Variants in COL27A1 observed in about 807,000 individuals in gnomAD.
COL27A1 encodes the protein collagen alpha-1(XXVII) chain.
COL27A1 carries 106 observed loss-of-function variants against 251.3 expected under a neutral mutation model. That is an observed-to-expected ratio of 0.42 (90% CI 0.36 to 0.50). The LOEUF (loss-of-function observed/expected upper bound fraction) is 0.50. COL27A1 is among the 20% of genes least tolerant of loss of function. The pLI is 0.00. For synonymous variants in COL27A1, 1,000 were observed against 986.3 expected (o/e 1.01, Z -0.26); for missense variants, 2,325 against 2,522.8 (o/e 0.92, Z 1.68).
intron 17 of COL27A1, among the ~76,000 whole-genome samples, chr9:114,236,551 C>T (rs1309087303): frequency 1.3e-5 from 2 of 152,198 alleles, no homozygotes; most frequent in African/African-American, 2.4e-5. Flanking sequence ...GGCCAGTCAA[C>T]GAGGCCCAGA....
chr9:114,160,684 G>GAAAA (rs34482323), intron 1 of COL27A1, among the ~76,000 whole-genome samples: 1 of 134,448 alleles, frequency 7.4e-6, no homozygotes, highest in African/African-American at 2.7e-5. Context: ...AAAAAAAAAT[G>GAAAA]AAAAAAAAAA....
At chr9:114,265,828 CA>C (rs1250612028) in intron 32 of COL27A1, among the ~76,000 whole-genome samples, 1 of 152,200 alleles carries the variant, frequency 6.6e-6, no homozygotes, top group Non-Finnish European at 1.5e-5. Context: ...CCGGGAACTG[CA>C]GAGTCCAGCA....
At chr9:114,254,820 A>T (rs1833815977) in intron 27 of COL27A1, among the ~76,000 whole-genome samples, 1 of 152,222 alleles carries the variant, frequency 6.6e-6, no homozygotes, top group Non-Finnish European at 1.5e-5. Context: ...AAATGGTAAG[A>T]AAGAGTTCCA....
At chr9:114,258,867 G>T (rs967847036) in intron 28 of COL27A1, among the ~76,000 whole-genome samples, 1 of 152,210 alleles carries the variant, frequency 6.6e-6, no homozygotes, top group Non-Finnish European at 1.5e-5. Context: ...TATTCAACCA[G>T]CACTTATTTA....
chr9:114,157,106 A>ACACACACACG (rs142812937), intron 1 of COL27A1, among the ~76,000 whole-genome samples: 3 of 147,844 alleles, frequency 2.0e-5, no homozygotes, highest in Admixed American at 6.7e-5. Context: ...ACACACACAT[A>ACACACACACG]CGCGCGCGCG....
intron 21 of COL27A1, among the ~76,000 whole-genome samples, chr9:114,241,331 GAT>G (rs1832740656): frequency 6.6e-6 from 1 of 152,268 alleles, no homozygotes; most frequent in African/African-American, 2.4e-5. Flanking sequence ...AGCTGACATG[GAT>G]CCCTTCTCGG....
At position 114,168,087 on chromosome 9, in the gene COL27A1, C is replaced by T. The variant is rs1034322360; in HGVS notation, c.532C>T (p.Arg178Trp). The change falls in exon 3 of 61, where the codon CGG becomes TGG. Residue 178 changes from arginine to tryptophan, a missense_variant. This residue lies in a region of COL27A1 where 1,183 missense variants were observed against 1,144.1 expected (regional missense o/e 1.03). Transcript: ENST00000356083. ...TCTGGTGACTGCCTGCGGGCAGCGC[C>T]GGGTGCCTGTCCTGCTGCCTTTCCA... is the stretch of plus-strand genomic sequence containing the variant. The part of the protein sequence containing the change: ...VTLVTACGQR[R>W]VPVLLPFHRD... 1.7e-5 allele frequency: 27 copies of T among 1,610,954 alleles called. No homozygotes were observed. In the East Asian group the frequency reaches 2.9e-4, roughly 17 times the overall value.
At chr9:114,252,537 C>A in intron 25 of COL27A1, 56 bp from the exon 26 acceptor site, 1 of 1,532,448 alleles carries the variant, frequency 6.5e-7, no homozygotes, top group Non-Finnish European at 9.0e-7. Context: ...CTGCCTCCCA[C>A]AGAGCCACCC....
rs1727518764 is a variant in COL27A1 at position 114,290,311 on chromosome 9, G to A, written c.4348G>A (p.Asp1450Asn). Reference sequence around the variant, plus strand: ...TGGACCAGATGGGCTTCCTGGCAGGGACGGGCAAGCAGGACAGCAGGTGAG... The same window carrying A: ...TGGACCAGATGGGCTTCCTGGCAGGAACGGGCAAGCAGGACAGCAGGTGAG... ...IAGPDGLPGR[D>N]GQAGQQGEQG... is the part of the protein sequence containing the mutation. The change falls in exon 47 of 61, where the codon GAC becomes AAC. Residue 1450 changes from aspartate to asparagine, a missense_variant. This residue lies in a region of COL27A1 where 153 missense variants were observed against 140.7 expected (regional missense o/e 1.09). Transcript: ENST00000356083. This position sits in a 1 kb window ranked among gnomAD's most constrained non-coding sequence, Gnocchi z 4.6. 2.5e-6 allele frequency: 4 copies of A among 1,582,176 alleles called. No individual in the cohort carries two copies. The South Asian group carries it at 3.5e-5, about 14-fold the overall frequency.
chr9:114,188,625 T>C (rs1184976532), intron 5 of COL27A1, among the ~76,000 whole-genome samples: 1 of 152,174 alleles, frequency 6.6e-6, no homozygotes, highest in Non-Finnish European at 1.5e-5. Flanking sequence ...TATTTGTATA[T>C]ACATACACAG....
intron 5 of COL27A1, among the ~76,000 whole-genome samples, chr9:114,191,446 G>A (rs1828740396): frequency 6.6e-6 from 1 of 152,012 alleles, no homozygotes; most frequent in African/African-American, 2.4e-5. Flanking sequence ...ACAGGCCCCA[G>A]TGTATGTTGT....
At chr9:114,281,605 G>C (rs1014392522) in intron 37 of COL27A1, among the ~76,000 whole-genome samples, 2 of 152,246 alleles carry the variant, frequency 1.3e-5, no homozygotes, top group African/African-American at 2.4e-5. Context: ...GCCCGTTCAA[G>C]GGACATGCCC....
chr9:114,230,417 G>A (rs906568198), intron 14 of COL27A1, among the ~76,000 whole-genome samples: 1 of 152,162 alleles, frequency 6.6e-6, no homozygotes, highest in Non-Finnish European at 1.5e-5. Flanking sequence ...GCTGTCATCT[G>A]CAAACTGCAC....
At chr9:114,222,393 C>T (rs1176626306) in intron 14 of COL27A1, 126 bp downstream of exon 14, 2 of 764,048 alleles carry the variant, frequency 2.6e-6, no homozygotes, top group African/African-American at 1.9e-5. Context: ...ATCAAACCCC[C>T]AGAGGGGCTG....
chr9:114,239,329 A>T (rs1461477769), intron 19 of COL27A1, among the ~76,000 whole-genome samples: 1 of 152,260 alleles, frequency 6.6e-6, no homozygotes, highest in Admixed American at 6.5e-5. Flanking sequence ...ATCATTTTGG[A>T]TGCAGATTTT....
intron 19 of COL27A1, among the ~76,000 whole-genome samples, chr9:114,238,136 A>G (rs955378423): frequency 2.0e-5 from 3 of 152,242 alleles, no homozygotes; most frequent in Admixed American, 6.5e-5. Flanking sequence ...TATGGGGAGC[A>G]AGAGGTAAAT....
rs756267136 is a variant in COL27A1 at position 114,168,647 on chromosome 9, C to G, written c.1092C>G (p.Ile364Met). The G allele has an allele frequency of 6.2e-7, 1 of 1,614,062 alleles. No individual in the cohort carries two copies. The highest frequency in any genetic ancestry group is 1.3e-5 in the African/African-American group (1 of 74,930). The change falls in exon 3 of 61, where the codon ATC (isoleucine) becomes ATG (methionine). Residue 364 changes from isoleucine to methionine, a missense_variant. Physicochemically the swap from Ile to Met is conservative, Grantham distance 10. Transcript: ENST00000356083. ...QPSQKITATK[I>M]PKSLPTKPSA... Reference sequence around the variant, plus strand: ...CACAGAAGATCACAGCCACCAAAATCCCCAAAAGCCTCCCTACCAAGCCTT... The same window carrying G: ...CACAGAAGATCACAGCCACCAAAATGCCCAAAAGCCTCCCTACCAAGCCTT...
chr9:114,264,556 C>T (rs924998159), intron 29 of COL27A1, 148 bp downstream of exon 29: 12 of 590,732 alleles, frequency 2.0e-5, no homozygotes, highest in Non-Finnish European at 2.3e-5. Context: ...GAGAGCTTAG[C>T]CCTTCCACTC....
intron 27 of COL27A1, among the ~76,000 whole-genome samples, chr9:114,258,103 G>C (rs553873821): frequency 6.6e-6 from 1 of 152,132 alleles, no homozygotes; most frequent in Admixed American, 6.5e-5. Flanking sequence ...AGGCTGAGGC[G>C]GGGGGATCAC....
Sources: gnomAD v4.1 joint callset for allele counts (sites outside exome capture counted in the v4.1 genomes callset) on GRCh38, gnomAD v4.1.1 for gene constraint, gnomAD v4.1.1 regional missense constraint, Gnocchi (gnomAD v3.1) non-coding constraint, MANE v1.5 for transcripts, NCBI Gene and HGNC (gene_info 2026-07-23, HGNC 2026-07-21) for gene names.